Variants in MCTP1 observed in about 807,000 individuals in gnomAD.
The protein encoded by MCTP1 is multiple C2 and transmembrane domain containing 1, also known as multiple C2 and transmembrane domain-containing protein 1.
In MCTP1, 69 loss-of-function variants were observed where a neutral mutation model predicts 120.6. The observed-to-expected ratio is 0.57, with a 90% CI of 0.47 to 0.70. The LOEUF (loss-of-function observed/expected upper bound fraction) is 0.70. Ranked by LOEUF, MCTP1 falls within the 30% of genes least tolerant of loss-of-function variation. The pLI is 0.00. For missense variants in MCTP1, 1,203 were observed against 1,248.8 expected (o/e 0.96, Z 0.55); for synonymous variants, 529 against 493.1 (o/e 1.07, Z -0.96).
At chr5:94,708,710 CCA>C in intron 21 of MCTP1, 101 bp from the exon 22 acceptor site, 1 of 651,626 alleles carries the variant, frequency 1.5e-6, no homozygotes. Context: ...ACCAATACAC[CCA>C]GTTTTTTCCC....
intron 1 of MCTP1, among the ~76,000 whole-genome samples, chr5:95,192,638 C>A (rs1426586376): frequency 6.6e-6 from 1 of 151,930 alleles, no homozygotes; most frequent in East Asian, 1.9e-4. Flanking sequence ...CAGAAATTGA[C>A]AAATACTTTT....
intron 1 of MCTP1, among the ~76,000 whole-genome samples, chr5:95,238,700 T>C (rs556268890): frequency 3.9e-5 from 6 of 152,266 alleles, no homozygotes; most frequent in Admixed American, 6.5e-5. Context: ...AGTCGCCTGA[T>C]ACCAAGCCTC....
intron 5 of MCTP1, among the ~76,000 whole-genome samples, chr5:94,932,943 C>A (rs1485531449): frequency 6.6e-6 from 1 of 151,830 alleles, no homozygotes; most frequent in African/African-American, 2.4e-5. Context: ...ATTAGAATAA[C>A]ACAAAAATGA....
chr5:94,764,854 C>T (rs1772203534), intron 19 of MCTP1, among the ~76,000 whole-genome samples: 1 of 119,206 alleles, frequency 8.4e-6, no homozygotes, highest in Non-Finnish European at 1.7e-5. Context: ...AAAAAAAAAT[C>T]AAACAAACAT....
intron 1 of MCTP1, among the ~76,000 whole-genome samples, chr5:95,278,599 G>C (rs187042626): frequency 1.1e-3 from 162 of 152,252 alleles, no homozygotes; most frequent in South Asian, 4.8e-3. Context: ...CTGAGGCAGG[G>C]AAATATGTGA....
intron 19 of MCTP1, among the ~76,000 whole-genome samples, chr5:94,736,920 G>A (rs911491294): frequency 6.6e-6 from 1 of 152,134 alleles, no homozygotes. Flanking sequence ...ACCATGCCAG[G>A]CATAGGATAG....
chr5:95,257,490 T>A (rs1758010419), intron 1 of MCTP1, among the ~76,000 whole-genome samples: 1 of 152,200 alleles, frequency 6.6e-6, no homozygotes, highest in South Asian at 2.1e-4. Flanking sequence ...CATTGTTTTT[T>A]TAATCTTTCA....
intron 7 of MCTP1, 36 bp from the exon 8 acceptor site, chr5:94,918,009 A>C (rs752022840): frequency 1.3e-6 from 2 of 1,528,146 alleles, no homozygotes; most frequent in African/African-American, 2.7e-5. Flanking sequence ...TGTACGGGGA[A>C]GCTTTGTACC....
intron 10 of MCTP1, among the ~76,000 whole-genome samples, chr5:94,906,043 T>A (rs2153428497): frequency 6.6e-6 from 1 of 152,294 alleles, no homozygotes; most frequent in Non-Finnish European, 1.5e-5. Flanking sequence ...AGGGGTCAGC[T>A]AAATCCAGTA....
In MCTP1 at chr5:95,283,904, G is replaced by C. The variant is rs1027716611; in HGVS notation, c.672C>G (p.Pro224=). The change falls in exon 1 of 23, where the codon CCC becomes CCG. Residue 224 remains proline, a synonymous_variant. Transcript: ENST00000515393. ...CCGTCTCCGGGGCCCGAGACTCCGC[G>C]GGACTCCGCGCCGGCTCTGCGGGAG... is the stretch of plus-strand genomic sequence containing the variant. ...PPPPAEPARS[P]AESRAPETGE... is the part of the protein sequence containing the mutation. The C allele has an allele frequency of 7.9e-6, 11 of 1,389,808 alleles. No homozygotes were observed. The highest frequency in any genetic ancestry group is 1.0e-5 in the Non-Finnish European group (11 of 1,080,948). 86.1% of individuals were successfully genotyped at this position (1,389,808 alleles called of 1,614,324 possible). A position where few individuals can be genotyped will look rare whatever the true frequency, so the allele number is the denominator to read the frequency against.
intron 17 of MCTP1, among the ~76,000 whole-genome samples, chr5:94,833,333 T>C (rs1288614031): frequency 1.3e-5 from 2 of 152,088 alleles, no homozygotes; most frequent in East Asian, 3.9e-4. Flanking sequence ...ACACTGCTTC[T>C]TTCATTCTGG....
At chr5:95,206,704 A>C (rs1751661628) in intron 1 of MCTP1, among the ~76,000 whole-genome samples, 1 of 151,900 alleles carries the variant, frequency 6.6e-6, no homozygotes, top group African/African-American at 2.4e-5. Context: ...CACCCAGCCA[A>C]TTTTTGTATT....
At chr5:94,966,549 A>G (rs1298693500) in intron 2 of MCTP1, among the ~76,000 whole-genome samples, 1 of 152,114 alleles carries the variant, frequency 6.6e-6, no homozygotes, top group Non-Finnish European at 1.5e-5. Context: ...TAATCCCAAC[A>G]CTTTGGGAAG....
At chr5:94,769,950 T>G (rs1220110525) in intron 19 of MCTP1, among the ~76,000 whole-genome samples, 1 of 152,214 alleles carries the variant, frequency 6.6e-6, no homozygotes, top group Non-Finnish European at 1.5e-5. Context: ...GTATATAATT[T>G]AATGAAAGTA....
intron 1 of MCTP1, among the ~76,000 whole-genome samples, chr5:95,031,050 G>T (rs767847058): frequency 2.0e-5 from 3 of 151,776 alleles, no homozygotes; most frequent in Non-Finnish European, 4.4e-5. Flanking sequence ...TTCAGAGTTT[G>T]AAGATCAGTC....
intron 19 of MCTP1, 21 bp downstream of exon 19, chr5:94,779,089 A>C: frequency 1.9e-6 from 3 of 1,603,328 alleles, no homozygotes; most frequent in Non-Finnish European, 2.6e-6. Flanking sequence ...CAGGTACCCA[A>C]GTGCTGGGAA....
intron 1 of MCTP1, among the ~76,000 whole-genome samples, chr5:95,096,255 A>C (rs1756258041): frequency 6.6e-6 from 1 of 152,204 alleles, no homozygotes; most frequent in Non-Finnish European, 1.5e-5. Flanking sequence ...AGCCTCCTTA[A>C]GAGGATATTA....
intron 17 of MCTP1, among the ~76,000 whole-genome samples, chr5:94,834,155 A>G (rs1200074263): frequency 6.6e-6 from 1 of 152,232 alleles, no homozygotes; most frequent in Non-Finnish European, 1.5e-5. Context: ...AGTTTGTAAA[A>G]GTAAGAAATG....
At chr5:94,816,823 T>A (rs1256734958) in intron 17 of MCTP1, among the ~76,000 whole-genome samples, 2 of 152,252 alleles carry the variant, frequency 1.3e-5, no homozygotes, top group African/African-American at 2.4e-5. Flanking sequence ...ATGAAAAAAT[T>A]CTAAATATAT....
Sources: allele counts gnomAD v4.1 joint callset (sites outside exome capture counted in the v4.1 genomes callset), GRCh38; gene constraint gnomAD v4.1.1; transcripts MANE v1.5; gene names NCBI Gene and HGNC (gene_info 2026-07-23, HGNC 2026-07-21).